RPTOR: variants seen among roughly 807,000 people sequenced by gnomAD.
RPTOR encodes the protein regulatory-associated protein of mTOR.
RPTOR carries 21 observed loss-of-function variants against 169.9 expected under a neutral mutation model. That is an observed-to-expected ratio of 0.12 (90% CI 0.09 to 0.18). The LOEUF (loss-of-function observed/expected upper bound fraction) is 0.18, where lower values mean the gene tolerates loss of function less well. Among genes scored for constraint, RPTOR ranks in the 10% least tolerant of loss-of-function variants. RPTOR has a pLI of 1.00. For missense variants in RPTOR, 1,133 were observed against 1,855.9 expected (o/e 0.61, Z 7.16); for synonymous variants, 732 against 753.2 (o/e 0.97, Z 0.46).
At chr17:80,759,495 C>T (rs1350439997) in intron 6 of RPTOR, among the ~76,000 whole-genome samples, 1 of 152,136 alleles carries the variant, frequency 6.6e-6, no homozygotes, top group Non-Finnish European at 1.5e-5. Flanking sequence ...AACAATTGAG[C>T]GGTGTCTCAG....
chr17:80,846,488 G>A lies in RPTOR; in HGVS notation c.1228G>A (p.Ala410Thr), dbSNP rs1567946390. 3.1e-6 allele frequency: 5 copies of A among 1,614,120 alleles called. No individual in the cohort carries two copies. Among genetic ancestry groups the A allele is most frequent in the South Asian group, 1.1e-5 (1 of 91,088 alleles). The change falls in exon 11 of 34, where the codon GCC becomes ACC. Residue 410 changes from alanine to threonine, a missense_variant. Coordinates refer to ENST00000306801, the MANE Select transcript of RPTOR (RefSeq NM_020761.3). ...GTAFRHSPFFAEQLTAFQVWL... is the reference protein window; with the variant it reads ...GTAFRHSPFFTEQLTAFQVWL... ...TGCCCCGCAGCACAGCCCGTTCTTC[G>A]CCGAGCAGCTGACCGCATTCCAGGT...
intron 2 of RPTOR, among the ~76,000 whole-genome samples, chr17:80,634,661 G>A (rs2065485632): frequency 8.8e-6 from 1 of 113,710 alleles, no homozygotes; most frequent in Non-Finnish European, 1.8e-5. Context: ...TGTGCGTACT[G>A]TGTGTGTGCG....
intron 1 of RPTOR, chr17:80,602,522 T>C (rs572759988): frequency 1.5e-4 from 68 of 455,862 alleles, no homozygotes; most frequent in Middle Eastern, 7.1e-4. Flanking sequence ...TTTTATAACT[T>C]TATTTGATGT....
intron 1 of RPTOR, among the ~76,000 whole-genome samples, chr17:80,549,616 CTG>C (rs1232545066): frequency 6.6e-6 from 1 of 152,206 alleles, no homozygotes; most frequent in Non-Finnish European, 1.5e-5. Flanking sequence ...CCTGGTCTAA[CTG>C]TGATACTTTA....
chr17:80,585,263 G>GGTGC (rs1232336413), intron 1 of RPTOR, among the ~76,000 whole-genome samples: 4 of 150,208 alleles, frequency 2.7e-5, no homozygotes, highest in African/African-American at 9.8e-5. Context: ...GGAGTGCAGT[G>GGTGC]GTGCGATCTC....
Position 80,682,615 on chromosome 17 carries a change from G to A in RPTOR, c.349-25226G>A, listed in dbSNP as rs143937327. Among the ~76,000 whole-genome samples the A allele has an allele frequency of 5.4e-3, 822 of 152,352 alleles. 2 individuals are homozygous for A. Among genetic ancestry groups the A allele is most frequent in the Non-Finnish European group, 8.4e-3 (569 of 68,030 alleles). On this transcript the variant is annotated intron_variant, in intron 3 of 33. Transcript: ENST00000306801. The stretch of plus-strand genomic sequence containing the variant: ...CGGCCACCAGAAACTGGAAGAGGCC[G>A]GAATGGATTTGCCCCAGGGCCTCCA...
At chr17:80,590,263 A>G (rs1306733211) in intron 1 of RPTOR, among the ~76,000 whole-genome samples, 3 of 147,878 alleles carry the variant, frequency 2.0e-5, no homozygotes, top group Non-Finnish European at 4.5e-5. Flanking sequence ...GCATGCAGGT[A>G]TGCACACATG....
chr17:80,806,368 A>G (rs908310761), intron 7 of RPTOR, among the ~76,000 whole-genome samples: 12 of 152,224 alleles, frequency 7.9e-5, no homozygotes, highest in Admixed American at 7.2e-4. Context: ...CATTGTTTTC[A>G]TAGTAAGATA....
intron 6 of RPTOR, among the ~76,000 whole-genome samples, chr17:80,788,089 C>T (rs1245468290): frequency 1.3e-5 from 2 of 152,124 alleles, no homozygotes; most frequent in Admixed American, 6.5e-5. Flanking sequence ...CCATATGTGC[C>T]TCTGAGAGTA....
chr17:80,623,213 T>G (rs900132301), intron 1 of RPTOR, among the ~76,000 whole-genome samples: 2 of 152,156 alleles, frequency 1.3e-5, no homozygotes, highest in African/African-American at 4.8e-5. Flanking sequence ...GGAGGAATGA[T>G]CTATTGGAAA....
intron 4 of RPTOR, among the ~76,000 whole-genome samples, chr17:80,722,831 C>T (rs1174349625): frequency 6.6e-6 from 1 of 151,264 alleles, no homozygotes; most frequent in Admixed American, 6.6e-5. Flanking sequence ...CACACAGCCT[C>T]CTTGGTGCCA....
intron 7 of RPTOR, among the ~76,000 whole-genome samples, chr17:80,812,977 CTA>C (rs566305040): frequency 7.3e-4 from 111 of 152,382 alleles, no homozygotes; most frequent in African/African-American, 2.6e-3. Flanking sequence ...AGCTGGGACT[CTA>C]TGTGGCTCTC....
At chr17:80,816,547 G>A (rs780602230) in intron 7 of RPTOR, among the ~76,000 whole-genome samples, 6 of 152,210 alleles carry the variant, frequency 3.9e-5, no homozygotes, top group East Asian at 1.9e-4. Context: ...CAGGGCTGCC[G>A]CTGGAGCAGA....
intron 6 of RPTOR, among the ~76,000 whole-genome samples, chr17:80,780,228 T>C (rs1270257035): frequency 6.6e-6 from 1 of 152,194 alleles, no homozygotes; most frequent in East Asian, 1.9e-4. Context: ...TGAAATGCTG[T>C]TGTGCAATGA....
At position 80,966,116 on chromosome 17, in the gene RPTOR, G is replaced by GA. The variant is rs2069426393; in HGVS notation, c.*1787dup. ...AGGCAGGTGGCTCCAGAGGGGTCAA[G>GA]ACCCCCCCCCGCCCCCGCTCCACCC... On this transcript the variant is annotated 3_prime_UTR_variant, in exon 34 of 34. Transcript: ENST00000306801. The GA allele has an allele frequency of 5.4e-6, 1 of 186,042 alleles. No homozygotes were observed. The allele number at this position is 186,042 out of a possible 1,614,324, so 11.5% of individuals were successfully genotyped here. A position where few individuals can be genotyped will look rare whatever the true frequency, so the allele number is the denominator to read the frequency against.
rs191237963 is a variant in RPTOR at position 80,961,522 on chromosome 17, C to T, written c.3692+42C>T. On this transcript the variant is annotated intron_variant, in intron 31 of 33. Transcript: ENST00000306801. ...TTTAGCAGCCGTTCTGCTGTAAAAA[C>T]ATTATTTTCCCCTCCATTTAAAATA... The T allele has an allele frequency of 1.7e-5, 26 of 1,526,998 alleles. No homozygotes were observed. In the East Asian group the frequency reaches 6.2e-4, roughly 36 times the overall value. 94.6% of individuals were successfully genotyped at this position (1,526,998 alleles called of 1,614,324 possible).
At chr17:80,668,236 TGGC>T (rs1481919615) in intron 3 of RPTOR, among the ~76,000 whole-genome samples, 1 of 152,164 alleles carries the variant, frequency 6.6e-6, no homozygotes, top group Non-Finnish European at 1.5e-5. Context: ...TCAAGGAGGG[TGGC>T]TACTGAGAGG....
At chr17:80,855,397 C>A (rs2143743707) in intron 11 of RPTOR, 67 bp from the exon 12 acceptor site, 2 of 1,192,894 alleles carry the variant, frequency 1.7e-6, no homozygotes, top group Non-Finnish European at 2.5e-6. Context: ...GCAGCTCATG[C>A]AGCAGCGTTT....
At chr17:80,705,552 T>C (rs1310136112) in intron 3 of RPTOR, among the ~76,000 whole-genome samples, 1 of 152,220 alleles carries the variant, frequency 6.6e-6, no homozygotes, top group East Asian at 1.9e-4. Context: ...AAATTAGAGT[T>C]TTAATGTATA....
Sources: gnomAD v4.1 joint callset for allele counts (sites outside exome capture counted in the v4.1 genomes callset) on GRCh38, gnomAD v4.1.1 for gene constraint, MANE v1.5 for transcripts, NCBI Gene and HGNC (gene_info 2026-07-23, HGNC 2026-07-21) for gene names.